ASTN2: variants seen among roughly 807,000 people sequenced by gnomAD.
The protein encoded by ASTN2 is astrotactin 2.
ASTN2 carries 54 observed loss-of-function variants against 139.8 expected under a neutral mutation model. The observed-to-expected ratio is 0.39, with a 90% CI of 0.31 to 0.48. The LOEUF (loss-of-function observed/expected upper bound fraction) is 0.48. Among genes scored for constraint, ASTN2 ranks in the 20% least tolerant of loss-of-function variants. The pLI is 0.95. For synonymous variants in ASTN2, 756 were observed against 719.5 expected, an observed-to-expected ratio of 1.05 and a Z score of -0.81; for missense variants, 1,565 against 1,725.1, an observed-to-expected ratio of 0.91 and a Z score of 1.64.
intron 1 of ASTN2, among the ~76,000 whole-genome samples, chr9:117,344,202 C>G (rs1207504455): frequency 6.6e-6 from 1 of 152,090 alleles, no homozygotes; most frequent in Non-Finnish European, 1.5e-5. Context: ...AAACCCATCC[C>G]CAAAAGCAGC....
At position 116,587,880 on chromosome 9, in the gene ASTN2, G is replaced by A. The variant is rs79909221; in HGVS notation, c.3355+30444C>T. Among the ~76,000 whole-genome samples, 19 of 152,290 alleles carry A rather than the reference G, an allele frequency of 1.2e-4. No individual in the cohort carries two copies. The East Asian group carries it at 3.7e-3, about 29-fold the overall frequency. On this transcript the variant is annotated intron_variant, in intron 19 of 22. Coordinates refer to ENST00000313400, the MANE Select transcript of ASTN2 (RefSeq NM_001365068.1). ...TATTCTATGCCCAGGCCCTTTGAGA[G>A]AAGCATTCCAGTATCTCCTTATTAT...
chr9:117,372,473 A>C (rs958200114), intron 1 of ASTN2, among the ~76,000 whole-genome samples: 1 of 152,196 alleles, frequency 6.6e-6, no homozygotes, highest in African/African-American at 2.4e-5. Context: ...CTGAATTGGA[A>C]GGCTTCAAAT....
intron 19 of ASTN2, among the ~76,000 whole-genome samples, chr9:116,522,546 T>C (rs780923861): frequency 1.1e-4 from 17 of 152,102 alleles, no homozygotes; most frequent in Non-Finnish European, 4.4e-5. Flanking sequence ...GATAAAAGAC[T>C]ACACATTGGG....
At chr9:116,906,534 G>A (rs1834167083) in intron 10 of ASTN2, among the ~76,000 whole-genome samples, 1 of 152,156 alleles carries the variant, frequency 6.6e-6, no homozygotes, top group Non-Finnish European at 1.5e-5. Flanking sequence ...CCCATGGAAT[G>A]CCAGGTGTCT....
At chr9:117,166,609 A>G (rs1830675828) in intron 3 of ASTN2, among the ~76,000 whole-genome samples, 1 of 151,978 alleles carries the variant, frequency 6.6e-6, no homozygotes. Flanking sequence ...TTCACTTCAA[A>G]TACTTCCTAT....
chr9:116,600,392 T>C (rs1854829337), intron 19 of ASTN2, among the ~76,000 whole-genome samples: 1 of 151,984 alleles, frequency 6.6e-6, no homozygotes, highest in Non-Finnish European at 1.5e-5. Context: ...TCAGCCATTC[T>C]TCCTGATCCC....
chr9:116,632,719 A>T (rs147388436), intron 17 of ASTN2, among the ~76,000 whole-genome samples: 17 of 152,212 alleles, frequency 1.1e-4, no homozygotes, highest in African/African-American at 3.9e-4. Context: ...AATTGTACTC[A>T]TTCTTTAAGA....
chr9:116,640,833 G>T (rs1359576806), intron 17 of ASTN2, among the ~76,000 whole-genome samples: 1 of 152,196 alleles, frequency 6.6e-6, no homozygotes. Flanking sequence ...AAAGAGGCAG[G>T]GGTTGTTATT....
chr9:116,915,764 G>A (rs1588408464), intron 10 of ASTN2, among the ~76,000 whole-genome samples: 1 of 152,164 alleles, frequency 6.6e-6, no homozygotes, highest in East Asian at 1.9e-4. Context: ...CTCACGCTAT[G>A]TACTTCTTCA....
chr9:116,524,291 C>T (rs1408296552), intron 19 of ASTN2, among the ~76,000 whole-genome samples: 1 of 152,088 alleles, frequency 6.6e-6, no homozygotes, highest in African/African-American at 2.4e-5. Context: ...ATAGGTGCTA[C>T]GTGAAATGTA....
chr9:116,442,564 G>C lies in ASTN2; in HGVS notation c.3498-11C>G, dbSNP rs1383593021. The C allele has an allele frequency of 6.2e-7, 1 of 1,612,552 alleles. No individual in the cohort carries two copies. The highest frequency in any genetic ancestry group is 8.5e-7 in the Non-Finnish European group (1 of 1,178,682). On this transcript the variant is annotated splice_polypyrimidine_tract_variant and intron_variant, in intron 20 of 22. Coordinates refer to ENST00000313400, the MANE Select transcript of ASTN2 (RefSeq NM_001365068.1). ...GCATACAGAGTGAACCTGCAGCACA[G>C]CAAGAAAACAGAGCACCAGGCTGTG... is the stretch of plus-strand genomic sequence containing the variant.
Position 117,211,440 on chromosome 9 carries a change from G to A in ASTN2, c.1015+2918C>T, listed in dbSNP as rs529799086. On this transcript the variant is annotated intron_variant, in intron 3 of 22. Transcript: ENST00000313400. Reference sequence around the variant, plus strand: ...ATTGGGATAGTGAGTGAGTTCTCACGAGATCTGTTTGTTTAAAAGTGTTTA... The same window carrying A: ...ATTGGGATAGTGAGTGAGTTCTCACAAGATCTGTTTGTTTAAAAGTGTTTA... 1.2e-4 allele frequency among the ~76,000 whole-genome samples: 18 copies of A among 152,204 alleles called. 1 individual carries two copies. The highest frequency in any genetic ancestry group is 6.2e-4 in the South Asian group (3 of 4,814).
At chr9:116,724,804 A>G (rs891176229) in intron 16 of ASTN2, among the ~76,000 whole-genome samples, 2 of 152,208 alleles carry the variant, frequency 1.3e-5, no homozygotes, top group Non-Finnish European at 2.9e-5. Flanking sequence ...TTTCTTTTAC[A>G]AATAGTTGAT....
intron 10 of ASTN2, among the ~76,000 whole-genome samples, chr9:116,920,514 T>C (rs1164078691): frequency 1.3e-5 from 2 of 152,230 alleles, no homozygotes; most frequent in African/African-American, 4.8e-5. Flanking sequence ...AGCTCCCTTC[T>C]TCCTGCTCAC....
At chr9:116,516,745 C>T (rs1850667942) in intron 19 of ASTN2, among the ~76,000 whole-genome samples, 2 of 152,198 alleles carry the variant, frequency 1.3e-5, no homozygotes, top group Non-Finnish European at 2.9e-5. Flanking sequence ...TACCAGCTTC[C>T]TGGAAATAGG....
intron 19 of ASTN2, among the ~76,000 whole-genome samples, chr9:116,494,749 C>T (rs1203191233): frequency 1.3e-5 from 2 of 152,180 alleles, no homozygotes; most frequent in Admixed American, 6.5e-5. Flanking sequence ...ACAGTTTCAT[C>T]TGTAAATAAC....
chr9:117,376,158 A>G (rs1383581242), intron 1 of ASTN2, among the ~76,000 whole-genome samples: 1 of 152,194 alleles, frequency 6.6e-6, no homozygotes, highest in Non-Finnish European at 1.5e-5. Context: ...TTGGGGGACC[A>G]TTATTGAGCC....
chr9:117,016,920 G>A (rs1837731066), intron 6 of ASTN2, among the ~76,000 whole-genome samples: 1 of 151,304 alleles, frequency 6.6e-6, no homozygotes, highest in Non-Finnish European at 1.5e-5. Flanking sequence ...AGGCAAATGT[G>A]TGTCTACTGT....
rs78008772 is a variant in ASTN2, at chr9:116,486,410, G to T, written c.3497+949C>A. 1.2e-3 allele frequency among the ~76,000 whole-genome samples: 182 copies of T among 152,310 alleles called. No individual in the cohort carries two copies. In the East Asian group the frequency reaches 0.028, roughly 23 times the overall value. On this transcript the variant is annotated intron_variant, in intron 20 of 22. Coordinates refer to ENST00000313400, the MANE Select transcript of ASTN2 (RefSeq NM_001365068.1). ...CAGGTGAATAGATGGATGAAGAGAC[G>T]AATGGATGGAGGGAAAGAGGGAAGA...
Sources: allele counts gnomAD v4.1 joint callset (sites outside exome capture counted in the v4.1 genomes callset), GRCh38; gene constraint gnomAD v4.1.1; transcripts MANE v1.5; gene names NCBI Gene and HGNC (gene_info 2026-07-23, HGNC 2026-07-21).